Variants in TRPV4 observed in about 807,000 individuals in gnomAD.
TRPV4 encodes transient receptor potential cation channel subfamily V member 4.
TRPV4 carries 58 observed loss-of-function variants against 84.1 expected under a neutral mutation model. The ratio of observed to expected loss-of-function variants is 0.69; its 90% CI spans 0.56 to 0.86. TRPV4 has a LOEUF of 0.86. Ranked by LOEUF, TRPV4 falls within the 40% of genes least tolerant of loss-of-function variation. The pLI, the probability that TRPV4 is intolerant of heterozygous loss-of-function variation, is 0.00. For synonymous variants in TRPV4, 489 were observed against 500.9 expected (o/e 0.98, Z 0.32); for missense variants, 879 against 1,181.1 (o/e 0.74, Z 3.75).
intron 1 of TRPV4, among the ~76,000 whole-genome samples, chr12:109,833,039 G>A (rs895002788): frequency 1.1e-4 from 16 of 152,160 alleles, no homozygotes; most frequent in East Asian, 9.7e-4. Flanking sequence ...GCAAGGCTCC[G>A]GGCCTTTGGT....
In TRPV4 at chr12:109,796,508, C is replaced by T. The variant is rs3742036; in HGVS notation, c.1332+17G>A. ...GCCCCTCCTTCCTCACACCCCATGC[C>T]CCCTCCTGGAGCCCACCTCAATCTT... On this transcript the variant is annotated intron_variant, in intron 7 of 15. Transcript: ENST00000261740. The surrounding 1 kb of genome is among the most constrained non-coding windows in gnomAD (Gnocchi z 4.2). The T allele has an allele frequency of 3.1e-6, 5 of 1,614,002 alleles. No homozygotes were observed. Among genetic ancestry groups the T allele is most frequent in the East Asian group, 4.5e-5 (2 of 44,876 alleles).
intron 3 of TRPV4, among the ~76,000 whole-genome samples, chr12:109,804,288 G>T (rs958087823): frequency 6.6e-6 from 1 of 152,146 alleles, no homozygotes; most frequent in Non-Finnish European, 1.5e-5. Context: ...ACTCCCCTGT[G>T]AATCAAGGAC....
rs556976840 is a variant in TRPV4 at position 109,833,091 on chromosome 12, C to G, written c.-32+259G>C. Among the ~76,000 whole-genome samples the G allele has an allele frequency of 1.4e-4, 21 of 152,308 alleles. 1 individual carries two copies. Among genetic ancestry groups the G allele is most frequent in the African/African-American group, 2.4e-4 (10 of 41,578 alleles). On this transcript the variant is annotated intron_variant, in intron 1 of 15. Coordinates refer to ENST00000261740, the MANE Select transcript of TRPV4 (RefSeq NM_021625.5). ...TCAGGGAACCGAACCGCCCTCCCCC[C>G]AGACCTGCTACCCCAGGCCCCACGT...
intron 12 of TRPV4, 98 bp downstream of exon 12, chr12:109,792,265 A>AAT: frequency 1.2e-6 from 1 of 825,018 alleles, no homozygotes; most frequent in Non-Finnish European, 1.9e-6. Context: ...AAAAAAAAAA[A>AAT]GAACTCAGCA....
At chr12:109,784,148 C>T (rs1469334850) in intron 15 of TRPV4, among the ~76,000 whole-genome samples, 168 bp downstream of exon 15, 3 of 152,184 alleles carry the variant, frequency 2.0e-5, no homozygotes, top group East Asian at 1.9e-4. Context: ...GATGAAGCCA[C>T]GTAGGTGAGG....
chr12:109,786,840 G>T lies in TRPV4; in HGVS notation c.2209-3C>A. 6.2e-7 allele frequency: 1 copy of T among 1,613,720 alleles called. No homozygotes were observed. Among genetic ancestry groups the T allele is most frequent in the Non-Finnish European group, 8.5e-7 (1 of 1,179,898 alleles). On this transcript the variant is annotated splice_region_variant and splice_polypyrimidine_tract_variant and intron_variant, in intron 13 of 15. Transcript: ENST00000261740. This position sits in a 1 kb window ranked among gnomAD's most constrained non-coding sequence, Gnocchi z 4.5. ...ATGTCCAGGATGGTGGTGGCCCACT[G>T]CGGGGAGGGAGGGTCAGGAGGGACA...
In TRPV4 at chr12:109,799,010, GATA is replaced by G. The variant is rs1233315713; in HGVS notation, c.854-101_854-99del. On this transcript the variant is annotated intron_variant, in intron 5 of 15. Coordinates refer to ENST00000261740, the MANE Select transcript of TRPV4 (RefSeq NM_021625.5). ...GGGACGGACACCGTGGCGCTCTGAGGATAATGACGGAGACAGCACCAGCAGTGG... is the reference window on the plus strand; with the variant it reads ...GGGACGGACACCGTGGCGCTCTGAGGATGACGGAGACAGCACCAGCAGTGG... The G allele has an allele frequency of 5.1e-6, 6 of 1,177,460 alleles. No individual in the cohort carries two copies. The East Asian group carries it at 1.2e-4, about 23-fold the overall frequency. The allele number at this position is 1,177,460 out of a possible 1,614,324, so 72.9% of individuals were successfully genotyped here.
Position 109,786,848 on chromosome 12 carries a change from G to C in TRPV4, c.2209-11C>G. ...GATGGTGGTGGCCCACTGCGGGGAG[G>C]GAGGGTCAGGAGGGACATCGGTGAG... On this transcript the variant is annotated splice_polypyrimidine_tract_variant and intron_variant, in intron 13 of 15. Coordinates refer to ENST00000261740, the MANE Select transcript of TRPV4 (RefSeq NM_021625.5). The surrounding 1 kb of genome is among the most constrained non-coding windows in gnomAD (Gnocchi z 4.5). 1.2e-6 allele frequency: 2 copies of C among 1,613,726 alleles called. No homozygotes were observed. The highest frequency in any genetic ancestry group is 2.2e-5 in the East Asian group (1 of 44,886).
chr12:109,791,709 C>T (rs912581002), intron 12 of TRPV4, among the ~76,000 whole-genome samples: 3 of 151,526 alleles, frequency 2.0e-5, no homozygotes, highest in Non-Finnish European at 2.9e-5. Flanking sequence ...GTCTCAAACT[C>T]CTGACCTCAA....
intron 3 of TRPV4, among the ~76,000 whole-genome samples, chr12:109,806,291 T>C (rs992280240): frequency 6.6e-6 from 1 of 151,548 alleles, no homozygotes; most frequent in Admixed American, 6.6e-5. Context: ...ACCTCCCAGG[T>C]TCAAGTGATT....
At chr12:109,831,588 C>A (rs1253084601) in intron 1 of TRPV4, among the ~76,000 whole-genome samples, 1 of 152,216 alleles carries the variant, frequency 6.6e-6, no homozygotes, top group Non-Finnish European at 1.5e-5. Context: ...AGAGCATTTG[C>A]TGGAGGAGGG....
chr12:109,813,099 C>G (rs960515654), intron 2 of TRPV4, among the ~76,000 whole-genome samples: 1 of 151,936 alleles, frequency 6.6e-6, no homozygotes, highest in Non-Finnish European at 1.5e-5. Flanking sequence ...CAGATGAGTA[C>G]GTGGATATGT....
At chr12:109,789,786 A>C (rs1343561627) in intron 12 of TRPV4, among the ~76,000 whole-genome samples, 1 of 152,204 alleles carries the variant, frequency 6.6e-6, no homozygotes, top group Non-Finnish European at 1.5e-5. Flanking sequence ...CTGGTGAAAC[A>C]CTGTGTTGAG....
rs550977662 is a variant in TRPV4, at chr12:109,792,548, C to T, written c.1824+104G>A. 217 of 1,578,518 alleles carry T rather than the reference C, an allele frequency of 1.4e-4. No individual in the cohort carries two copies. In the East Asian group the frequency reaches 1.9e-3, roughly 14 times the overall value. On this transcript the variant is annotated intron_variant, in intron 11 of 15. Coordinates refer to ENST00000261740, the MANE Select transcript of TRPV4 (RefSeq NM_021625.5). ...GTCCAGACCATGCCTCCTGCCCCCA[C>T]GGTACCCAGCATCCTCAGGTCTGCA...
chr12:109,816,010 G>C (rs1268657514), intron 1 of TRPV4, among the ~76,000 whole-genome samples: 3 of 152,210 alleles, frequency 2.0e-5, no homozygotes, highest in Non-Finnish European at 4.4e-5. Context: ...CCAAGGGTGA[G>C]TTTCCTGGAA....
At chr12:109,833,173 A>G (rs1364794226) in intron 1 of TRPV4, among the ~76,000 whole-genome samples, 177 bp downstream of exon 1, 2 of 152,180 alleles carry the variant, frequency 1.3e-5, no homozygotes, top group African/African-American at 4.8e-5. Context: ...GTCCGGCCCA[A>G]GGGCACTTAG....
At chr12:109,830,836 A>G (rs1009129881) in intron 1 of TRPV4, among the ~76,000 whole-genome samples, 1 of 152,178 alleles carries the variant, frequency 6.6e-6, no homozygotes, top group African/African-American at 2.4e-5. Context: ...ATTTGTTCAG[A>G]CAACCATGCC....
intron 2 of TRPV4, among the ~76,000 whole-genome samples, chr12:109,813,436 T>C (rs1891647024): frequency 6.6e-6 from 1 of 151,734 alleles, no homozygotes; most frequent in Admixed American, 6.6e-5. Flanking sequence ...AGCAGATGAA[T>C]GAATGGAGAG....
intron 3 of TRPV4, among the ~76,000 whole-genome samples, chr12:109,807,106 GTC>G (rs1337062124): frequency 6.6e-6 from 1 of 151,690 alleles, no homozygotes; most frequent in Non-Finnish European, 1.5e-5. Flanking sequence ...GAGCGACCCC[GTC>G]TCTACTAAAA....
Sources: gnomAD v4.1 joint callset for allele counts (sites outside exome capture counted in the v4.1 genomes callset) on GRCh38, gnomAD v4.1.1 for gene constraint, Gnocchi (gnomAD v3.1) non-coding constraint, MANE v1.5 for transcripts, NCBI Gene and HGNC (gene_info 2026-07-23, HGNC 2026-07-21) for gene names.